Variants in ANKS1B observed in about 807,000 individuals in gnomAD.
ANKS1B encodes ankyrin repeat and sterile alpha motif domain-containing protein 1B.
ANKS1B carries 36 observed loss-of-function variants against 148.3 expected under a neutral mutation model. The observed-to-expected ratio is 0.24, with a 90% confidence interval of 0.19 to 0.32. The LOEUF is 0.32. ANKS1B is among the 10% of genes least tolerant of loss of function. ANKS1B has a pLI of 1.00. For missense variants in ANKS1B, 1,157 were observed against 1,542.6 expected, an observed-to-expected ratio of 0.75 and a Z score of 4.19; for synonymous variants, 542 against 560.8, an observed-to-expected ratio of 0.97 and a Z score of 0.47.
chr12:99,312,369 G>A (rs1346252367), intron 12 of ANKS1B, among the ~76,000 whole-genome samples: 1 of 152,138 alleles, frequency 6.6e-6, no homozygotes, highest in Non-Finnish European at 1.5e-5. Flanking sequence ...TGAATGGTGA[G>A]GTGGGAACAA....
intron 14 of ANKS1B, among the ~76,000 whole-genome samples, chr12:99,220,864 T>C (rs2085013769): frequency 6.6e-6 from 1 of 152,124 alleles, no homozygotes; most frequent in Admixed American, 6.6e-5. Context: ...TCATTCCTTA[T>C]ACAACAGTAA....
Position 98,832,155 on chromosome 12 carries a change from G to A in ANKS1B, c.2779-19C>T, listed in dbSNP as rs2099322724. Reference sequence around the variant, plus strand: ...TTAAAACCTGAAACAACATATATTTGGGTTAAATATTTCACTGGAGAACAA... The same window carrying A: ...TTAAAACCTGAAACAACATATATTTAGGTTAAATATTTCACTGGAGAACAA... On this transcript the variant is annotated intron_variant, in intron 17 of 26. Transcript: ENST00000683438. 2.0e-6 allele frequency: 3 copies of A among 1,519,770 alleles called. No individual in the cohort carries two copies. Among genetic ancestry groups the A allele is most frequent in the Non-Finnish European group, 8.9e-7 (1 of 1,121,962 alleles). The allele number at this position is 1,519,770 out of a possible 1,614,324, so 94.1% of individuals were successfully genotyped here. A position where few individuals can be genotyped will look rare whatever the true frequency, so the allele number is the denominator to read the frequency against.
chr12:99,607,670 T>C (rs181775929), intron 9 of ANKS1B, among the ~76,000 whole-genome samples: 33 of 152,230 alleles, frequency 2.2e-4, no homozygotes, highest in Non-Finnish European at 2.9e-5. Flanking sequence ...TAGAGCTTTT[T>C]ACCAATTTGT....
chr12:99,792,902 A>G (rs1221227309), intron 4 of ANKS1B, among the ~76,000 whole-genome samples: 2 of 152,018 alleles, frequency 1.3e-5, no homozygotes, highest in Non-Finnish European at 2.9e-5. Context: ...GAAGAAGTCA[A>G]ATTATCCTTG....
chr12:99,588,313 T>C (rs1341855736), intron 9 of ANKS1B, among the ~76,000 whole-genome samples: 1 of 152,200 alleles, frequency 6.6e-6, no homozygotes, highest in Non-Finnish European at 1.5e-5. Flanking sequence ...AAAAAATCCA[T>C]TTTCTCTTCT....
At chr12:99,905,371 C>A (rs1205040016) in intron 1 of ANKS1B, among the ~76,000 whole-genome samples, 5 of 152,166 alleles carry the variant, frequency 3.3e-5, no homozygotes, top group African/African-American at 1.2e-4. Context: ...ACTGATTCCT[C>A]CTGAGTGAGA....
chr12:99,894,318 AGGG>A (rs1565945173), intron 1 of ANKS1B, among the ~76,000 whole-genome samples: 6 of 44,770 alleles, frequency 1.3e-4, no homozygotes, highest in Admixed American at 2.4e-4. Flanking sequence ...GGAGGGAGGG[AGGG>A]AGGGAGGGAA....
At chr12:99,248,561 C>A (rs979996876) in intron 12 of ANKS1B, among the ~76,000 whole-genome samples, 4 of 152,160 alleles carry the variant, frequency 2.6e-5, no homozygotes, top group Admixed American at 2.6e-4. Context: ...CTTGATAACT[C>A]TCTATTTTAT....
chr12:98,831,651 T>C (rs530007968), intron 18 of ANKS1B: 2 of 165,846 alleles, frequency 1.2e-5, no homozygotes, highest in East Asian at 1.7e-4. Flanking sequence ...AAAAGACAGA[T>C]TGTTTTCTAC....
At chr12:98,919,198 T>C (rs938726719) in intron 17 of ANKS1B, among the ~76,000 whole-genome samples, 4 of 152,246 alleles carry the variant, frequency 2.6e-5, no homozygotes, top group Non-Finnish European at 4.4e-5. Flanking sequence ...AACTTTTCTG[T>C]TCACTTACAA....
chr12:99,284,785 T>C (rs1292180935), intron 12 of ANKS1B, among the ~76,000 whole-genome samples: 1 of 152,186 alleles, frequency 6.6e-6, no homozygotes, highest in African/African-American at 2.4e-5. Context: ...AGCTCCTCCC[T>C]GTGGTCTTTA....
chr12:99,150,574 TTAAGA>T (rs1337763164), intron 15 of ANKS1B, among the ~76,000 whole-genome samples: 1 of 152,080 alleles, frequency 6.6e-6, no homozygotes, highest in African/African-American at 2.4e-5. Flanking sequence ...AGCAAAGTTA[TTAAGA>T]TAAGAATAGA....
At chr12:99,352,628 T>C (rs1386333025) in intron 12 of ANKS1B, among the ~76,000 whole-genome samples, 1 of 152,160 alleles carries the variant, frequency 6.6e-6, no homozygotes, top group African/African-American at 2.4e-5. Flanking sequence ...AGATTTATTA[T>C]AAAGAAATTA....
In ANKS1B at chr12:99,706,271, T is replaced by C. The variant is rs556772999; in HGVS notation, c.1129-51061A>G. On this transcript the variant is annotated intron_variant, in intron 8 of 26. Transcript: ENST00000683438. ...AGAGACATAAAGATAAATACCCAGA[T>C]AACTAGATAAAAGAGATGAAGGTGT... Among the ~76,000 whole-genome samples the C allele has an allele frequency of 3.3e-5, 5 of 152,068 alleles. 1 individual carries two copies. Among genetic ancestry groups the C allele is most frequent in the Admixed American group, 1.3e-4 (2 of 15,242 alleles).
intron 9 of ANKS1B, among the ~76,000 whole-genome samples, chr12:99,597,732 A>G (rs192582376): frequency 6.6e-6 from 1 of 152,218 alleles, no homozygotes; most frequent in Admixed American, 6.6e-5. Context: ...TATAATAAAA[A>G]TACCAAAAAT....
chr12:99,110,025 G>C (rs2059987636), intron 15 of ANKS1B, among the ~76,000 whole-genome samples: 1 of 152,186 alleles, frequency 6.6e-6, no homozygotes, highest in Non-Finnish European at 1.5e-5. Flanking sequence ...CTTGAAATTA[G>C]ATGTAGGGTT....
chr12:99,242,054 T>A (rs2089446078), intron 14 of ANKS1B, among the ~76,000 whole-genome samples: 1 of 152,150 alleles, frequency 6.6e-6, no homozygotes, highest in African/African-American at 2.4e-5. Context: ...GCCAGAGCAA[T>A]CAGGCAAGAG....
chr12:99,163,467 C>CTGTGTGTGTGTG lies in ANKS1B; in HGVS notation c.2420-9084_2420-9073dup, dbSNP rs146637164. Among the ~76,000 whole-genome samples, 408 of 135,102 alleles carry CTGTGTGTGTGTG rather than the reference C, an allele frequency of 3.0e-3. 3 individuals carry two copies. The highest frequency in any genetic ancestry group is 9.2e-3 in the African/African-American group (333 of 36,270). 88.6% of individuals were successfully genotyped at this position (135,102 alleles called of 152,430 possible). A position where few individuals can be genotyped will look rare whatever the true frequency, so the allele number is the denominator to read the frequency against. ...ATATGTCCTGTGTTTTACATGCACT[C>CTGTGTGTGTGTG]TGTGTGTGTGTGTGTGTGTGTGTGT... On this transcript the variant is annotated intron_variant, in intron 14 of 26. Coordinates refer to ENST00000683438, the MANE Select transcript of ANKS1B (RefSeq NM_001352186.2).
intron 11 of ANKS1B, among the ~76,000 whole-genome samples, chr12:99,412,527 C>A (rs1415434625): frequency 6.6e-6 from 1 of 152,196 alleles, no homozygotes; most frequent in East Asian, 1.9e-4. Flanking sequence ...GTGACATCTT[C>A]CCCTCTTCCA....
Sources: allele counts gnomAD v4.1 joint callset (sites outside exome capture counted in the v4.1 genomes callset), GRCh38; gene constraint gnomAD v4.1.1; transcripts MANE v1.5; gene names NCBI Gene and HGNC (gene_info 2026-07-23, HGNC 2026-07-21).